PDCD1: variants seen among roughly 807,000 people sequenced by gnomAD.
The protein encoded by PDCD1 is programmed cell death protein 1.
Under a neutral mutation model 23.6 loss-of-function variants are expected in PDCD1, and 10 were observed. That is an observed-to-expected ratio of 0.42 (90% CI 0.26 to 0.72). The LOEUF (loss-of-function observed/expected upper bound fraction) is 0.72, where lower values mean the gene tolerates loss of function less well. Ranked by LOEUF, PDCD1 falls within the 30% of genes least tolerant of loss-of-function variation. The pLI, the probability that PDCD1 is intolerant of heterozygous loss-of-function variation, is 0.24. For missense variants in PDCD1, 313 were observed against 397.8 expected (o/e 0.79, Z 1.81); for synonymous variants, 168 against 169.3 (o/e 0.99, Z 0.06).
At chr2:241,856,300 ATCC>A (rs1701025696) in intron 1 of PDCD1, among the ~76,000 whole-genome samples, 1 of 152,002 alleles carries the variant, frequency 6.6e-6, no homozygotes, top group Admixed American at 6.6e-5. Flanking sequence ...GCGGAGCTCC[ATCC>A]TGCACGTCCA....
chr2:241,852,076 G>A, intron 3 of PDCD1, 93 bp from the exon 4 acceptor site: 1 of 1,427,240 alleles, frequency 7.0e-7, no homozygotes, highest in East Asian at 2.5e-5. Context: ...CAGGGACTTA[G>A]CCTGGCGGGG....
Position 241,852,222 on chromosome 2 carries a change from C to G in PDCD1, c.568G>C (p.Val190Leu), listed in dbSNP as rs763027752. 1 of 1,610,208 alleles carries G rather than the reference C, an allele frequency of 6.2e-7. No homozygotes were observed. Among genetic ancestry groups the G allele is most frequent in the Non-Finnish European group, 8.5e-7 (1 of 1,179,240 alleles). The stretch of plus-strand genomic sequence containing the variant: ...CCTCGTGCGGCCCGGGAGCAGATGA[C>G]GGCCAGGACCCAGACTAGCAGCACC... ...SLVLLVWVLA[V>L]ICSRAARGTI... The change falls in exon 3 of 5, where the codon GTC (valine) becomes CTC (leucine). Residue 190 changes from valine (V) to leucine (L), a missense_variant. By Grantham distance (32) the Val-to-Leu change is conservative (BLOSUM62 1). This residue lies in a region of PDCD1 where 158 missense variants were observed against 177.5 expected (regional missense o/e 0.89). Transcript: ENST00000334409.
chr2:241,852,817 G>C lies in PDCD1; in HGVS notation c.240C>G (p.Ala80=), dbSNP rs373755187. The part of the protein sequence containing the change: ...MSPSNQTDKL[A]AFPEDRSQPG... Reference sequence around the variant, plus strand: ...GCTGGCTGCGGTCCTCGGGGAAGGCGGCCAGCTTGTCCGTCTGGTTGCTGG... The same window carrying C: ...GCTGGCTGCGGTCCTCGGGGAAGGCCGCCAGCTTGTCCGTCTGGTTGCTGG... Residue 80 remains alanine, a synonymous_variant, in exon 2 of 5, where the codon GCC becomes GCG. Transcript: ENST00000334409. 5 of 1,612,716 alleles carry C rather than the reference G, an allele frequency of 3.1e-6. No individual in the cohort carries two copies. Among genetic ancestry groups the C allele is most frequent in the Non-Finnish European group, 4.2e-6 (5 of 1,179,990 alleles).
chr2:241,854,818 G>C (rs1039995911), intron 1 of PDCD1, among the ~76,000 whole-genome samples: 1 of 152,180 alleles, frequency 6.6e-6, no homozygotes, highest in Admixed American at 6.5e-5. Context: ...AAGTCATCAC[G>C]GGTACTGTGA....
At chr2:241,855,859 G>A (rs959589363) in intron 1 of PDCD1, among the ~76,000 whole-genome samples, 5 of 152,296 alleles carry the variant, frequency 3.3e-5, no homozygotes, top group Non-Finnish European at 5.9e-5. Flanking sequence ...ACAGTCGTGT[G>A]TGTGTGTGGA....
Position 241,850,762 on chromosome 2 carries a change from G to A in PDCD1, c.*296C>T. 1 of 638,354 alleles carries A rather than the reference G, an allele frequency of 1.6e-6. No individual in the cohort carries two copies. The highest frequency in any genetic ancestry group is 2.9e-6 in the Non-Finnish European group (1 of 346,300). The allele number at this position is 638,354 out of a possible 1,614,324, so 39.5% of individuals were successfully genotyped here. A position where few individuals can be genotyped will look rare whatever the true frequency, so the allele number is the denominator to read the frequency against. ...CAGCAGCAGCAGCAGCAGAGATTCA[G>A]GGAGCTGGACGCAGGCAGCTCTGTG... is the stretch of plus-strand genomic sequence containing the variant. On this transcript the variant is annotated 3_prime_UTR_variant, in exon 5 of 5. Coordinates refer to ENST00000334409, the MANE Select transcript of PDCD1 (RefSeq NM_005018.3).
Position 241,851,190 on chromosome 2 carries a change from C to T in PDCD1, c.735G>A (p.Gln245=), listed in dbSNP as rs201481671. Residue 245 remains glutamine (Q), a synonymous_variant, in exon 5 of 5, where the codon CAG becomes CAA. Coordinates refer to ENST00000334409, the MANE Select transcript of PDCD1 (RefSeq NM_005018.3). ...PEPPVPCVPE[Q]TEYATIVFPS... ...GAAAGACAATGGTGGCATACTCCGTCTGCTCAGGGACACAGGGCACGGGGG... is the reference window on the plus strand; with the variant it reads ...GAAAGACAATGGTGGCATACTCCGTTTGCTCAGGGACACAGGGCACGGGGG... 1.9e-6 allele frequency: 3 copies of T among 1,613,716 alleles called. No individual in the cohort carries two copies. Among genetic ancestry groups the T allele is most frequent in the Non-Finnish European group, 2.5e-6 (3 of 1,179,984 alleles).
rs1021762829 is a variant in PDCD1 at position 241,850,766 on chromosome 2, G to A, written c.*292C>T. Reference sequence around the variant, plus strand: ...AGCAGCAGCAGCAGAGATTCAGGGAGCTGGACGCAGGCAGCTCTGTGCTGG... The same window carrying A: ...AGCAGCAGCAGCAGAGATTCAGGGAACTGGACGCAGGCAGCTCTGTGCTGG... On this transcript the variant is annotated 3_prime_UTR_variant, in exon 5 of 5. Coordinates refer to ENST00000334409, the MANE Select transcript of PDCD1 (RefSeq NM_005018.3). 11 of 643,728 alleles carry A rather than the reference G, an allele frequency of 1.7e-5. No homozygotes were observed. In the Admixed American group the frequency reaches 1.9e-4, roughly 11 times the overall value. The allele number at this position is 643,728 out of a possible 1,614,324, so 39.9% of individuals were successfully genotyped here.
At chr2:241,858,627 C>T (rs1701074836) in intron 1 of PDCD1, 136 bp downstream of exon 1, 2 of 755,954 alleles carry the variant, frequency 2.6e-6, no homozygotes, top group Admixed American at 2.1e-5. Flanking sequence ...AAAGGTCCCT[C>T]CAGACCCCTC....
intron 2 of PDCD1, 22 bp from the exon 3 acceptor site, chr2:241,852,375 G>A (rs1425743165): frequency 6.7e-7 from 1 of 1,491,826 alleles, no homozygotes; most frequent in Non-Finnish European, 9.3e-7. Flanking sequence ...CAAAGGTCAG[G>A]GGTTAGGACG....
At chr2:241,857,268 C>T (rs977246706) in intron 1 of PDCD1, among the ~76,000 whole-genome samples, 4 of 152,220 alleles carry the variant, frequency 2.6e-5, no homozygotes, top group African/African-American at 9.6e-5. Context: ...ATGCCCACTG[C>T]GCCTTGCTGA....
rs1489831129 is a variant in PDCD1 at position 241,850,680 on chromosome 2, G to C, written c.*378C>G. ...CCCCCAAGTTCAGGCAGGAGGCTCC[G>C]GGGCGTCAGGCAGGGCCACGGCGCC... On this transcript the variant is annotated 3_prime_UTR_variant, in exon 5 of 5. Transcript: ENST00000334409. 1.8e-5 allele frequency: 9 copies of C among 512,148 alleles called. No individual in the cohort carries two copies. Among genetic ancestry groups the C allele is most frequent in the Non-Finnish European group, 2.9e-5 (8 of 275,366 alleles). The allele number at this position is 512,148 out of a possible 1,614,324, so 31.7% of individuals were successfully genotyped here. A position where few individuals can be genotyped will look rare whatever the true frequency, so the allele number is the denominator to read the frequency against.
rs1246535135 is a variant in PDCD1 at position 241,852,557 on chromosome 2, G to A, written c.436+64C>T. On this transcript the variant is annotated intron_variant, in intron 2 of 4. Coordinates refer to ENST00000334409, the MANE Select transcript of PDCD1 (RefSeq NM_005018.3). ...ACCCTGGAGCTCCTGATCCTGTGCA[G>A]GAGGGGACACCCACCCCAGGACCGG... 13 of 1,567,506 alleles carry A rather than the reference G, an allele frequency of 8.3e-6. No homozygotes were observed. In the African/African-American group the frequency reaches 1.4e-4, roughly 16 times the overall value.
At chr2:241,852,576 G>A (rs1156480785) in intron 2 of PDCD1, 45 bp downstream of exon 2, 2 of 1,589,488 alleles carry the variant, frequency 1.3e-6, no homozygotes, top group African/African-American at 2.7e-5. Context: ...ACCCACCCCA[G>A]GACCGGCTCA....
Position 241,852,765 on chromosome 2 carries a change from T to C in PDCD1, c.292A>G (p.Thr98Ala). 5.0e-6 allele frequency: 8 copies of C among 1,614,002 alleles called. No homozygotes were observed. Among genetic ancestry groups the C allele is most frequent in the Non-Finnish European group, 6.8e-6 (8 of 1,180,016 alleles). ...AAGTCACGCCCGTTGGGCAGTTGTG[T>C]GACACGGAAGCGGCAGTCCTGGCCG... ...QPGQDCRFRV[T>A]QLPNGRDFHM... The change falls in exon 2 of 5, where the codon ACA (threonine) becomes GCA (alanine). Residue 98 changes from threonine (T) to alanine (A), a missense_variant. By Grantham distance (58) the Thr-to-Ala change is moderately conservative (BLOSUM62 0). This residue lies in a region of PDCD1 where 135 missense variants were observed against 166.9 expected (regional missense o/e 0.81). Transcript: ENST00000334409.
chr2:241,858,217 A>G (rs1471995830), intron 1 of PDCD1, among the ~76,000 whole-genome samples: 1 of 152,226 alleles, frequency 6.6e-6, no homozygotes, highest in Non-Finnish European at 1.5e-5. Flanking sequence ...GGATATAATG[A>G]GAAAAATATC....
At chr2:241,857,725 G>C (rs563617364) in intron 1 of PDCD1, among the ~76,000 whole-genome samples, 1 of 152,302 alleles carries the variant, frequency 6.6e-6, no homozygotes, top group South Asian at 2.1e-4. Context: ...GCCGAGGTGG[G>C]GAACCCCCAG....
Position 241,851,203 on chromosome 2 carries a change from C to G in PDCD1, c.722G>C (p.Cys241Ser), listed in dbSNP as rs2124856282. The G allele has an allele frequency of 6.2e-7, 1 of 1,613,690 alleles. No individual in the cohort carries two copies. Among genetic ancestry groups the G allele is most frequent in the Non-Finnish European group, 8.5e-7 (1 of 1,179,968 alleles). The stretch of plus-strand genomic sequence containing the variant: ...GGCATACTCCGTCTGCTCAGGGACA[C>G]AGGGCACGGGGGGCTCCGGGGTCTT... Reference protein sequence around the residue: ...REKTPEPPVPCVPEQTEYATI... With the variant: ...REKTPEPPVPSVPEQTEYATI... Residue 241 changes from cysteine to serine, a missense_variant, in exon 5 of 5, where the codon TGT becomes TCT. Around this residue, in one of 3 missense-constraint regions of PDCD1, gnomAD observed 158 missense variants for 177.5 expected, o/e 0.89. Transcript: ENST00000334409.
Sources: allele counts gnomAD v4.1 joint callset (sites outside exome capture counted in the v4.1 genomes callset), GRCh38; gene constraint gnomAD v4.1.1; regional missense constraint gnomAD v4.1.1; transcripts MANE v1.5; gene names NCBI Gene and HGNC (gene_info 2026-07-23, HGNC 2026-07-21).